THSD7B: variants seen among roughly 807,000 people sequenced by gnomAD.
THSD7B encodes thrombospondin type 1 domain containing 7B.
Under a neutral mutation model 213.6 loss-of-function variants are expected in THSD7B, and 138 were observed. The ratio of observed to expected loss-of-function variants is 0.65; its 90% CI spans 0.56 to 0.74. The LOEUF (loss-of-function observed/expected upper bound fraction) is 0.74, where lower values mean the gene tolerates loss of function less well. THSD7B is among the 30% of genes least tolerant of loss of function. The probability of loss-of-function intolerance (pLI) is 0.00; values close to 1 mark genes in which losing one functional copy is unlikely to be tolerated. For missense variants in THSD7B, 1,931 were observed against 1,991.5 expected, an observed-to-expected ratio of 0.97 and a Z score of 0.58; for synonymous variants, 742 against 687.0, an observed-to-expected ratio of 1.08 and a Z score of -1.25.
intron 1 of THSD7B, among the ~76,000 whole-genome samples, chr2:136,771,536 T>G (rs964631011): frequency 6.6e-6 from 1 of 152,044 alleles, no homozygotes; most frequent in Non-Finnish European, 1.5e-5. Context: ...TCACACTTAT[T>G]TAAAGTGGCC....
At chr2:137,005,993 T>A (rs2104829290) in intron 2 of THSD7B, among the ~76,000 whole-genome samples, 1 of 152,312 alleles carries the variant, frequency 6.6e-6, no homozygotes, top group South Asian at 2.1e-4. Context: ...TAACCTCAAC[T>A]AATGACAAGG....
Position 137,411,851 on chromosome 2 carries a change from C to T in THSD7B, c.2938C>T (p.Pro980Ser), listed in dbSNP as rs1400463226. The T allele has an allele frequency of 3.1e-6, 5 of 1,613,946 alleles. No homozygotes were observed. Among genetic ancestry groups the T allele is most frequent in the Middle Eastern group, 1.6e-4 (1 of 6,062 alleles). Reference sequence around the variant, plus strand: ...TGATAAAAATGGAAGACCTGTTGACCCCTCCTTCTGCAGCAGCTCTGGTAA... The same window carrying T: ...TGATAAAAATGGAAGACCTGTTGACTCCTCCTTCTGCAGCAGCTCTGGTAA... The part of the protein sequence containing the change: ...CSDKNGRPVD[P>S]SFCSSSGYIQ... The change falls in exon 14 of 28, where the codon CCC (proline) becomes TCC (serine). Residue 980 changes from proline (P) to serine (S), a missense_variant. Physicochemically the swap from Pro to Ser is moderately conservative, Grantham distance 74. Coordinates refer to ENST00000409968, the MANE Select transcript of THSD7B (RefSeq NM_001316349.2).
At chr2:137,146,280 T>G (rs887933401) in intron 5 of THSD7B, among the ~76,000 whole-genome samples, 2 of 152,034 alleles carry the variant, frequency 1.3e-5, no homozygotes, top group Admixed American at 1.3e-4. Flanking sequence ...AATACACAGG[T>G]GCTGAGATGC....
chr2:136,904,044 C>A (rs1397513473), intron 2 of THSD7B, among the ~76,000 whole-genome samples: 1 of 119,154 alleles, frequency 8.4e-6, no homozygotes, highest in African/African-American at 2.6e-5. Context: ...AACCCATAGT[C>A]CCAGCTGTGT....
intron 2 of THSD7B, among the ~76,000 whole-genome samples, chr2:136,893,493 A>G (rs1683899833): frequency 7.6e-6 from 1 of 132,414 alleles, no homozygotes; most frequent in Non-Finnish European, 1.8e-5. Flanking sequence ...TATAAATACA[A>G]ACAAAGGTCA....
At chr2:136,868,399 T>C (rs774994870) in intron 1 of THSD7B, among the ~76,000 whole-genome samples, 31 of 152,134 alleles carry the variant, frequency 2.0e-4, no homozygotes, top group Admixed American at 2.6e-4. Context: ...ACATAATAAA[T>C]AAAAACTTGT....
chr2:137,651,753 A>G (rs1409981158), intron 21 of THSD7B, among the ~76,000 whole-genome samples: 1 of 151,812 alleles, frequency 6.6e-6, no homozygotes, highest in East Asian at 1.9e-4. Context: ...GGTTTGTTAT[A>G]TCTCCATTTT....
intron 14 of THSD7B, among the ~76,000 whole-genome samples, chr2:137,431,465 G>T (rs1687184035): frequency 6.6e-6 from 1 of 152,180 alleles, no homozygotes; most frequent in South Asian, 2.1e-4. Context: ...AAAAGATCTA[G>T]CTATGTTAAT....
chr2:137,005,863 T>G (rs924913290), intron 2 of THSD7B, among the ~76,000 whole-genome samples: 26 of 152,350 alleles, frequency 1.7e-4, no homozygotes, highest in African/African-American at 6.3e-4. Context: ...TGGGTGTTAC[T>G]GGATTGGAGG....
intron 1 of THSD7B, among the ~76,000 whole-genome samples, chr2:136,781,989 A>C (rs1271628414): frequency 1.3e-5 from 2 of 152,238 alleles, no homozygotes; most frequent in Non-Finnish European, 2.9e-5. Flanking sequence ...AAAAAGGGGT[A>C]GGGCACAGCA....
chr2:136,907,803 T>C (rs1196683526), intron 2 of THSD7B, among the ~76,000 whole-genome samples: 1 of 152,214 alleles, frequency 6.6e-6, no homozygotes. Flanking sequence ...GTTGCTGACC[T>C]ACAAAGATTT....
At chr2:136,857,204 A>G (rs1221436156) in intron 1 of THSD7B, among the ~76,000 whole-genome samples, 1 of 152,236 alleles carries the variant, frequency 6.6e-6, no homozygotes, top group Non-Finnish European at 1.5e-5. Flanking sequence ...ATATGAATTC[A>G]TGAAGTTATA....
At chr2:136,825,653 G>A (rs565102813) in intron 1 of THSD7B, among the ~76,000 whole-genome samples, 2 of 150,864 alleles carry the variant, frequency 1.3e-5, no homozygotes, top group Non-Finnish European at 2.9e-5. Flanking sequence ...CTGGGTTCAC[G>A]CCATTCTCCT....
At chr2:137,205,298 G>A (rs1214233687) in intron 7 of THSD7B, among the ~76,000 whole-genome samples, 1 of 152,048 alleles carries the variant, frequency 6.6e-6, no homozygotes, top group African/African-American at 2.4e-5. Context: ...CTTGTACTCT[G>A]TGGTCCCAGA....
At chr2:137,499,892 C>G (rs1679660627) in intron 15 of THSD7B, among the ~76,000 whole-genome samples, 1 of 152,038 alleles carries the variant, frequency 6.6e-6, no homozygotes, top group South Asian at 2.1e-4. Flanking sequence ...ACAGTCTAAT[C>G]TGGAATCAAT....
chr2:137,009,920 A>G (rs1469213192), intron 2 of THSD7B, among the ~76,000 whole-genome samples: 2 of 152,232 alleles, frequency 1.3e-5, no homozygotes, highest in African/African-American at 2.4e-5. Flanking sequence ...ACATTTCCTT[A>G]AGATATACAT....
At chr2:137,016,966 C>A (rs1057416131) in intron 2 of THSD7B, among the ~76,000 whole-genome samples, 1 of 152,206 alleles carries the variant, frequency 6.6e-6, no homozygotes, top group African/African-American at 2.4e-5. Context: ...TATAATACAG[C>A]ACATATATGC....
intron 1 of THSD7B, among the ~76,000 whole-genome samples, chr2:136,769,936 G>A (rs550148841): frequency 6.6e-6 from 1 of 152,264 alleles, no homozygotes; most frequent in Non-Finnish European, 1.5e-5. Flanking sequence ...TTAATTATGA[G>A]CCTCTTGTAA....
At chr2:137,426,877 A>G (rs1329240186) in intron 14 of THSD7B, among the ~76,000 whole-genome samples, 1 of 152,170 alleles carries the variant, frequency 6.6e-6, no homozygotes, top group South Asian at 2.1e-4. Flanking sequence ...ATAGGAAAAA[A>G]TATTTGGATA....
Sources: gnomAD v4.1 joint callset for allele counts (sites outside exome capture counted in the v4.1 genomes callset) on GRCh38, gnomAD v4.1.1 for gene constraint, MANE v1.5 for transcripts, NCBI Gene and HGNC (gene_info 2026-07-23, HGNC 2026-07-21) for gene names.